GALNTL6: variants seen among roughly 807,000 people sequenced by gnomAD.
GALNTL6 encodes the protein polypeptide N-acetylgalactosaminyltransferase like 6, also known as polypeptide N-acetylgalactosaminyltransferase-like 6.
In GALNTL6, 46 loss-of-function variants were observed where a neutral mutation model predicts 73.7. The ratio of observed to expected loss-of-function variants is 0.62; its 90% CI spans 0.49 to 0.80. GALNTL6 has a LOEUF of 0.80. Among genes scored for constraint, GALNTL6 ranks in the 30% least tolerant of loss-of-function variants. The pLI, the probability that GALNTL6 is intolerant of heterozygous loss-of-function variation, is 0.00. For synonymous variants in GALNTL6, 259 were observed against 263.7 expected (o/e 0.98, Z 0.17); for missense variants, 604 against 755.0 (o/e 0.80, Z 2.34).
chr4:172,036,828 T>C (rs912528731), intron 2 of GALNTL6, among the ~76,000 whole-genome samples: 6 of 152,186 alleles, frequency 3.9e-5, no homozygotes, highest in African/African-American at 1.4e-4. Context: ...TATTGACTGG[T>C]ATATTTAATT....
chr4:172,794,726 A>C (rs1223826486), intron 5 of GALNTL6, among the ~76,000 whole-genome samples: 2 of 152,136 alleles, frequency 1.3e-5, no homozygotes, highest in African/African-American at 4.8e-5. Context: ...TCACAAAAGT[A>C]CTCTGTGCTC....
intron 5 of GALNTL6, among the ~76,000 whole-genome samples, chr4:172,676,777 T>C (rs951509330): frequency 6.6e-6 from 1 of 152,222 alleles, no homozygotes; most frequent in African/African-American, 2.4e-5. Flanking sequence ...CCTGAGTGAT[T>C]TCTATTTGAG....
chr4:172,904,355 G>A (rs1266303370), intron 8 of GALNTL6, among the ~76,000 whole-genome samples: 1 of 152,190 alleles, frequency 6.6e-6, no homozygotes, highest in Non-Finnish European at 1.5e-5. Context: ...CCTTGCTCTT[G>A]AAACCCTTCA....
intron 9 of GALNTL6, among the ~76,000 whole-genome samples, chr4:172,932,982 T>C (rs1213052994): frequency 6.6e-6 from 1 of 152,130 alleles, no homozygotes; most frequent in Non-Finnish European, 1.5e-5. Flanking sequence ...CAAAATACAC[T>C]ATTTGAAGGG....
intron 5 of GALNTL6, among the ~76,000 whole-genome samples, chr4:172,726,225 A>C (rs1399915550): frequency 6.6e-6 from 1 of 152,182 alleles, no homozygotes; most frequent in Non-Finnish European, 1.5e-5. Context: ...ACTAATTAAC[A>C]AAAGTTGTGA....
intron 12 of GALNTL6, among the ~76,000 whole-genome samples, chr4:173,022,074 G>GGAAA (rs1416484069): frequency 0.09 from 9,665 of 107,440 alleles, 943 homozygotes; most frequent in Admixed American, 0.15. Context: ...AAGGAAGGAA[G>GGAAA]GAAGGAAGGA....
chr4:173,013,552 C>G (rs929819231), intron 11 of GALNTL6, among the ~76,000 whole-genome samples: 7 of 151,780 alleles, frequency 4.6e-5, no homozygotes, highest in Non-Finnish European at 7.4e-5. Flanking sequence ...CCCCGCACCC[C>G]CCACGTCCCC....
At chr4:172,257,365 A>G (rs1270745578) in intron 3 of GALNTL6, among the ~76,000 whole-genome samples, 1 of 151,366 alleles carries the variant, frequency 6.6e-6, no homozygotes. Flanking sequence ...ATTGGTCTTT[A>G]TTTTAGTGAA....
intron 5 of GALNTL6, among the ~76,000 whole-genome samples, chr4:172,797,255 CT>C (rs553049313): frequency 5.4e-5 from 8 of 149,334 alleles, no homozygotes; most frequent in Admixed American, 1.3e-4. Flanking sequence ...TTTTGTTTTT[CT>C]TTTTTTTTTA....
chr4:172,973,039 T>C (rs187209569), intron 10 of GALNTL6, among the ~76,000 whole-genome samples: 379 of 152,334 alleles, frequency 2.5e-3, no homozygotes, highest in African/African-American at 8.4e-3. Flanking sequence ...CAAAGAGCTC[T>C]GTAGTTGAGG....
intron 5 of GALNTL6, among the ~76,000 whole-genome samples, chr4:172,625,063 C>G (rs1739112844): frequency 6.6e-6 from 1 of 151,914 alleles, no homozygotes; most frequent in Non-Finnish European, 1.5e-5. Flanking sequence ...CAGTTCTTCT[C>G]TGTGAGTTTT....
chr4:172,094,496 A>G (rs1181255659), intron 2 of GALNTL6, among the ~76,000 whole-genome samples: 1 of 152,134 alleles, frequency 6.6e-6, no homozygotes, highest in Non-Finnish European at 1.5e-5. Flanking sequence ...TCATTTCAGA[A>G]CAAAGTACTT....
At chr4:172,041,035 A>G (rs775956654) in intron 2 of GALNTL6, among the ~76,000 whole-genome samples, 15 of 152,088 alleles carry the variant, frequency 9.9e-5, no homozygotes, top group African/African-American at 3.6e-4. Context: ...TCACAATGGC[A>G]TTATTAAAAG....
At chr4:172,208,703 A>G (rs1736225793) in intron 2 of GALNTL6, among the ~76,000 whole-genome samples, 1 of 152,304 alleles carries the variant, frequency 6.6e-6, no homozygotes, top group East Asian at 1.9e-4. Flanking sequence ...CTGTTTTAAT[A>G]GAAGTATTGG....
At chr4:172,495,153 A>G (rs1734029081) in intron 5 of GALNTL6, among the ~76,000 whole-genome samples, 1 of 152,222 alleles carries the variant, frequency 6.6e-6, no homozygotes, top group African/African-American at 2.4e-5. Flanking sequence ...TAACAAATTA[A>G]GCATGCTCAC....
intron 2 of GALNTL6, among the ~76,000 whole-genome samples, chr4:171,862,875 ATAAT>A (rs1735872032): frequency 6.6e-6 from 1 of 152,132 alleles, no homozygotes; most frequent in African/African-American, 2.4e-5. Context: ...CAGGACCTAT[ATAAT>A]TAGATTTTGA....
At chr4:172,927,200 C>T (rs1347658653) in intron 8 of GALNTL6, among the ~76,000 whole-genome samples, 1 of 151,992 alleles carries the variant, frequency 6.6e-6, no homozygotes, top group Non-Finnish European at 1.5e-5. Context: ...TTTCTTTGGC[C>T]CAGAGGTGAT....
chr4:172,698,123 C>T (rs746768713), intron 5 of GALNTL6, among the ~76,000 whole-genome samples: 1 of 152,024 alleles, frequency 6.6e-6, no homozygotes, highest in Non-Finnish European at 1.5e-5. Context: ...CAAATAAAAA[C>T]TTAGCATTGT....
chr4:172,798,045 T>C (rs983823316), intron 5 of GALNTL6, among the ~76,000 whole-genome samples: 2 of 152,182 alleles, frequency 1.3e-5, no homozygotes, highest in Non-Finnish European at 2.9e-5. Context: ...ACATGCAGCA[T>C]TGGGTTTTAC....
Sources: gnomAD v4.1 joint callset for allele counts (sites outside exome capture counted in the v4.1 genomes callset) on GRCh38, gnomAD v4.1.1 for gene constraint, MANE v1.5 for transcripts, NCBI Gene and HGNC (gene_info 2026-07-23, HGNC 2026-07-21) for gene names.